Variants in PIEZO2 observed in about 807,000 individuals in gnomAD.
PIEZO2 encodes piezo type mechanosensitive ion channel component 2.
A neutral mutation model predicts 337.3 loss-of-function variants in PIEZO2; 172 were observed. The ratio of observed to expected loss-of-function variants is 0.51; its 90% CI spans 0.45 to 0.58. PIEZO2 has a LOEUF of 0.58. PIEZO2 is among the 20% of genes least tolerant of loss of function. The pLI is 0.00. For missense variants in PIEZO2, 3,028 were observed against 3,391.3 expected, an observed-to-expected ratio of 0.89 and a Z score of 2.66; for synonymous variants, 1,251 against 1,228.5, an observed-to-expected ratio of 1.02 and a Z score of -0.38.
chr18:10,965,965 T>C (rs973245969), intron 3 of PIEZO2, among the ~76,000 whole-genome samples: 3 of 152,218 alleles, frequency 2.0e-5, no homozygotes, highest in Non-Finnish European at 1.5e-5. Flanking sequence ...TAAAATAATG[T>C]CTGGTACAGA....
intron 2 of PIEZO2, among the ~76,000 whole-genome samples, chr18:10,992,622 T>C (rs368636157): frequency 6.6e-6 from 1 of 152,206 alleles, no homozygotes; most frequent in African/African-American, 2.4e-5. Context: ...GCTGTTTTGG[T>C]TGTTGTAGCC....
chr18:10,704,275 A>G (rs1340174362), intron 42 of PIEZO2, 119 bp downstream of exon 42: 1 of 1,305,482 alleles, frequency 7.7e-7, no homozygotes, highest in East Asian at 2.5e-5. Flanking sequence ...TGCATGTTCC[A>G]TGTGAAACTG....
intron 32 of PIEZO2, 112 bp from the exon 33 acceptor site, chr18:10,741,214 A>G: frequency 2.2e-6 from 2 of 905,576 alleles, no homozygotes; most frequent in Non-Finnish European, 1.6e-6. Flanking sequence ...AAAGTATATC[A>G]GAGGTCAGGT....
intron 1 of PIEZO2, among the ~76,000 whole-genome samples, chr18:11,145,360 G>GA (rs34507840): frequency 0.46 from 70,351 of 151,668 alleles, 16,782 homozygotes; most frequent in African/African-American, 0.6. Flanking sequence ...TACGGAAAAA[G>GA]AAAAAAAATC....
chr18:11,100,741 G>A (rs1023443944), intron 1 of PIEZO2, among the ~76,000 whole-genome samples: 7 of 151,960 alleles, frequency 4.6e-5, no homozygotes, highest in Non-Finnish European at 8.8e-5. Flanking sequence ...GACTACAGGC[G>A]CCCGCCACCA....
chr18:11,056,830 C>G (rs528748622), intron 2 of PIEZO2, among the ~76,000 whole-genome samples: 14 of 152,236 alleles, frequency 9.2e-5, no homozygotes, highest in African/African-American at 2.9e-4. Context: ...TACCCACAAA[C>G]CTAGGATAGA....
chr18:10,696,443 C>A lies in PIEZO2; in HGVS notation c.6924G>T (p.Leu2308=), dbSNP rs1454189732. The A allele has an allele frequency of 1.2e-6, 2 of 1,614,238 alleles. No individual in the cohort carries two copies. Among genetic ancestry groups the A allele is most frequent in the Admixed American group, 3.3e-5 (2 of 60,030 alleles). The change falls in exon 46 of 56, where the codon CTG becomes CTT. Residue 2308 remains leucine, a synonymous_variant. Coordinates refer to ENST00000674853, the MANE Select transcript of PIEZO2 (RefSeq NM_001378183.1). ...AVTDVYVLMF[L]ADTVDFIIIV... Reference sequence around the variant, plus strand: ...TGATGATGAAGTCCACAGTGTCAGCCAGGAACATGAGTACATACACGTCAG... The same window carrying A: ...TGATGATGAAGTCCACAGTGTCAGCAAGGAACATGAGTACATACACGTCAG...
At chr18:10,788,063 G>A (rs1043862906) in intron 15 of PIEZO2, among the ~76,000 whole-genome samples, 7 of 152,004 alleles carry the variant, frequency 4.6e-5, no homozygotes, top group Admixed American at 2.0e-4. Context: ...AATACTCTAC[G>A]ACTTCAGATT....
intron 2 of PIEZO2, among the ~76,000 whole-genome samples, chr18:11,045,630 T>A (rs1209889952): frequency 2.6e-5 from 4 of 152,194 alleles, no homozygotes; most frequent in Non-Finnish European, 4.4e-5. Context: ...GCTGGGAACA[T>A]GGGCTTTGGG....
At position 10,833,563 on chromosome 18, in the gene PIEZO2, G is replaced by T. The variant is rs1193379339; in HGVS notation, c.917+21790C>A. ...GCCCCCAGTTACTACAAGGATGAGA[G>T]ATTGTACAGCCCAAACTGCACCTGA... is the stretch of plus-strand genomic sequence containing the variant. On this transcript the variant is annotated intron_variant, in intron 7 of 55. Coordinates refer to ENST00000674853, the MANE Select transcript of PIEZO2 (RefSeq NM_001378183.1). The surrounding 1 kb of genome is among the most constrained non-coding windows in gnomAD (Gnocchi z 4.7). 6.6e-6 allele frequency among the ~76,000 whole-genome samples: 1 copy of T among 152,178 alleles called. No homozygotes were observed. The highest frequency in any genetic ancestry group is 1.5e-5 in the Non-Finnish European group (1 of 68,026).
At chr18:10,747,919 G>A (rs1225661626) in intron 30 of PIEZO2, among the ~76,000 whole-genome samples, 1 of 152,094 alleles carries the variant, frequency 6.6e-6, no homozygotes, top group Non-Finnish European at 1.5e-5. Context: ...CAGCAGCTGG[G>A]GGCCACAGAG....
intron 33 of PIEZO2, chr18:10,740,782 A>G (rs900213987): frequency 3.1e-6 from 2 of 641,734 alleles, no homozygotes; most frequent in Admixed American, 4.7e-5. Flanking sequence ...CCTAGAGTCT[A>G]TAAGCCACGT....
chr18:10,778,825 T>C (rs2038881294), intron 18 of PIEZO2, among the ~76,000 whole-genome samples: 1 of 152,160 alleles, frequency 6.6e-6, no homozygotes, highest in African/African-American at 2.4e-5. Flanking sequence ...ATGATATAAG[T>C]CTCGTCCTTC....
intron 7 of PIEZO2, among the ~76,000 whole-genome samples, chr18:10,809,935 G>A (rs2040135534): frequency 1.3e-5 from 2 of 152,142 alleles, no homozygotes; most frequent in African/African-American, 4.8e-5. Context: ...CTTCGCTTGA[G>A]AAGTATACAA....
In PIEZO2 at chr18:10,727,994, C is replaced by T. The variant is rs985473555; in HGVS notation, c.5029+3413G>A. The stretch of plus-strand genomic sequence containing the variant: ...AAAAAAGAAAAAAAGGGATAAGAAG[C>T]CTGACATATAAATAGCATGAATTGA... On this transcript the variant is annotated intron_variant, in intron 36 of 55. Coordinates refer to ENST00000674853, the MANE Select transcript of PIEZO2 (RefSeq NM_001378183.1). This position sits in a 1 kb window ranked among gnomAD's most constrained non-coding sequence, Gnocchi z 6.3. 4.6e-5 allele frequency: 7 copies of T among 151,810 alleles called. No homozygotes were observed. The highest frequency in any genetic ancestry group is 2.1e-4 in the South Asian group (1 of 4,772). 9.4% of individuals were successfully genotyped at this position (151,810 alleles called of 1,614,324 possible). A position where few individuals can be genotyped will look rare whatever the true frequency, so the allele number is the denominator to read the frequency against.
intron 2 of PIEZO2, among the ~76,000 whole-genome samples, chr18:11,040,431 G>T (rs985478637): frequency 1.3e-5 from 2 of 152,122 alleles, no homozygotes; most frequent in Non-Finnish European, 2.9e-5. Flanking sequence ...CATAATCAGG[G>T]TTTTAACTGT....
At chr18:10,787,630 G>A (rs2039269822) in intron 15 of PIEZO2, among the ~76,000 whole-genome samples, 1 of 152,164 alleles carries the variant, frequency 6.6e-6, no homozygotes, top group South Asian at 2.1e-4. Flanking sequence ...ACAGAAAAAA[G>A]ACATCTCGTT....
rs2041920155 is a variant in PIEZO2, at chr18:10,863,174, G to T, written c.493-5963C>A. On this transcript the variant is annotated intron_variant, in intron 5 of 55. Coordinates refer to ENST00000674853, the MANE Select transcript of PIEZO2 (RefSeq NM_001378183.1). This position sits in a 1 kb window ranked among gnomAD's most constrained non-coding sequence, Gnocchi z 4.3. ...GTTAACAATTTATCTTAACAGAATG[G>T]GTTCATCTCAATACAAGAGCCAGAG... Among the ~76,000 whole-genome samples, 1 of 152,102 alleles carries T rather than the reference G, an allele frequency of 6.6e-6. No individual in the cohort carries two copies.
chr18:10,825,660 C>T (rs182425406), intron 7 of PIEZO2, among the ~76,000 whole-genome samples: 7 of 150,158 alleles, frequency 4.7e-5, no homozygotes, highest in Admixed American at 4.7e-4. Context: ...AAGCAATTCT[C>T]CTGCCTCAGC....
Sources: allele counts gnomAD v4.1 joint callset (sites outside exome capture counted in the v4.1 genomes callset), GRCh38; gene constraint gnomAD v4.1.1; non-coding constraint Gnocchi (gnomAD v3.1); transcripts MANE v1.5; gene names NCBI Gene and HGNC (gene_info 2026-07-23, HGNC 2026-07-21).